The following FXYD6 variants were observed in gnomAD, a reference collection of about 807,000 sequenced individuals.
FXYD6 encodes FXYD domain-containing ion transport regulator 6.
FXYD6 carries 7 observed loss-of-function variants against 16.7 expected under a neutral mutation model. That is an observed-to-expected ratio of 0.42 (90% CI 0.24 to 0.79). The LOEUF (loss-of-function observed/expected upper bound fraction) is 0.79, where lower values mean the gene tolerates loss of function less well. Ranked by LOEUF, FXYD6 falls within the 30% of genes least tolerant of loss-of-function variation. The pLI is 0.28. For missense variants in FXYD6, 111 were observed against 116.2 expected (o/e 0.95, Z 0.21); for synonymous variants, 49 against 43.0 (o/e 1.14, Z -0.54).
At chr11:117,838,488 G>A (rs1344747766) in intron 7 of FXYD6, 1 of 599,090 alleles carries the variant, frequency 1.7e-6, no homozygotes. Flanking sequence ...ACATGGAAAG[G>A]AAATTGTTAA....
chr11:117,853,775 G>A (rs1291610546), intron 1 of FXYD6, among the ~76,000 whole-genome samples: 3 of 152,164 alleles, frequency 2.0e-5, no homozygotes, highest in African/African-American at 7.2e-5. Flanking sequence ...TTTCAGGCAT[G>A]AGCCACCATG....
intron 1 of FXYD6, among the ~76,000 whole-genome samples, chr11:117,847,200 G>T (rs1031804939): frequency 1.3e-5 from 2 of 152,030 alleles, no homozygotes; most frequent in South Asian, 4.2e-4. Context: ...TTTACATATT[G>T]ATCTTAAATC....
chr11:117,847,480 C>A (rs895525102), intron 1 of FXYD6, among the ~76,000 whole-genome samples: 5 of 151,872 alleles, frequency 3.3e-5, no homozygotes, highest in Non-Finnish European at 7.4e-5. Context: ...CGTCATTTAA[C>A]ATTAGGTATA....
At chr11:117,846,037 C>A (rs555859319) in intron 1 of FXYD6, among the ~76,000 whole-genome samples, 1 of 152,202 alleles carries the variant, frequency 6.6e-6, no homozygotes, top group African/African-American at 2.4e-5. Context: ...CCACAGTGGT[C>A]ATCTCCATGA....
chr11:117,840,128 C>A, intron 6 of FXYD6, 191 bp downstream of exon 6: 1 of 697,408 alleles, frequency 1.4e-6, no homozygotes. Context: ...CTGTAAATAG[C>A]AGGTGACACT....
rs1293517501 is a variant in FXYD6, at chr11:117,841,670, G to A, written c.172+121C>T. 2.9e-5 allele frequency: 31 copies of A among 1,077,850 alleles called. No homozygotes were observed. In the East Asian group the frequency reaches 4.8e-4, roughly 17 times the overall value. 66.8% of individuals were successfully genotyped at this position (1,077,850 alleles called of 1,614,324 possible). A position where few individuals can be genotyped will look rare whatever the true frequency, so the allele number is the denominator to read the frequency against. ...CTCTACTGGGTCGTGAAGATAACAC[G>A]GAGGGCAGGCAGCCTCCTTTCCTCT... On this transcript the variant is annotated intron_variant, in intron 4 of 7. Transcript: ENST00000526014.
chr11:117,864,907 T>C (rs2056983017), intron 1 of FXYD6, among the ~76,000 whole-genome samples: 1 of 152,112 alleles, frequency 6.6e-6, no homozygotes, highest in Non-Finnish European at 1.5e-5. Flanking sequence ...TTTATAAAAA[T>C]GTAAAAATGT....
In FXYD6 at chr11:117,872,874, T is replaced by A. The variant is rs2057169803; in HGVS notation, c.-6+3718A>T. On this transcript the variant is annotated intron_variant, in intron 1 of 7. Coordinates refer to ENST00000526014, the MANE Select transcript of FXYD6 (RefSeq NM_022003.4). The surrounding 1 kb of genome is among the most constrained non-coding windows in gnomAD (Gnocchi z 4.9). ...TCGGCCGGAGATGTCCTGCCTCTCATCAGGGACGGTGTCAGAGCACTGTGT... is the reference window on the plus strand; with the variant it reads ...TCGGCCGGAGATGTCCTGCCTCTCAACAGGGACGGTGTCAGAGCACTGTGT... Among the ~76,000 whole-genome samples the A allele has an allele frequency of 6.6e-6, 1 of 152,158 alleles. No homozygotes were observed. Among genetic ancestry groups the A allele is most frequent in the Non-Finnish European group, 1.5e-5 (1 of 68,032 alleles).
At chr11:117,851,047 C>T (rs1030190695) in intron 1 of FXYD6, among the ~76,000 whole-genome samples, 2 of 152,148 alleles carry the variant, frequency 1.3e-5, no homozygotes, top group Non-Finnish European at 2.9e-5. Flanking sequence ...TTTTAAAATT[C>T]TATAAAATAG....
chr11:117,855,093 A>C (rs1361825624), intron 1 of FXYD6, among the ~76,000 whole-genome samples: 1 of 152,236 alleles, frequency 6.6e-6, no homozygotes, highest in Non-Finnish European at 1.5e-5. Context: ...GTTGGACTAA[A>C]GCATGATGGG....
At chr11:117,839,990 C>A in intron 6 of FXYD6, 160 bp from the exon 7 acceptor site, 1 of 896,692 alleles carries the variant, frequency 1.1e-6, no homozygotes, top group Non-Finnish European at 1.8e-6. Flanking sequence ...GGCCCTGCTA[C>A]TTGCTGCTTA....
At chr11:117,861,368 C>G (rs1357760023) in intron 1 of FXYD6, among the ~76,000 whole-genome samples, 2 of 152,204 alleles carry the variant, frequency 1.3e-5, no homozygotes, top group Non-Finnish European at 2.9e-5. Flanking sequence ...AGGTACAGAG[C>G]TGGCAGGGGA....
At chr11:117,858,508 C>A (rs995653839) in intron 1 of FXYD6, among the ~76,000 whole-genome samples, 13 of 152,064 alleles carry the variant, frequency 8.5e-5, no homozygotes, top group African/African-American at 3.1e-4. Flanking sequence ...CAGCCTCACA[C>A]CCCCAACTTT....
chr11:117,853,447 A>C (rs1022202286), intron 1 of FXYD6, among the ~76,000 whole-genome samples: 5 of 152,206 alleles, frequency 3.3e-5, no homozygotes, highest in African/African-American at 1.2e-4. Flanking sequence ...TCTAAGAGTA[A>C]CTATGGCTTA....
intron 6 of FXYD6, 177 bp downstream of exon 6, chr11:117,840,142 A>G (rs1448406695): frequency 2.7e-6 from 2 of 753,742 alleles, no homozygotes; most frequent in African/African-American, 1.7e-5. Flanking sequence ...TGACACTAGT[A>G]GTAGCCTGTT....
rs2057159072 is a variant in FXYD6 at position 117,872,424 on chromosome 11, C to T, written c.-6+4168G>A. ...GGACAAGCCCATTGATCTACCTGAG[C>T]AGGAGGGCTCCAGCAAAGGAGAAAC... On this transcript the variant is annotated intron_variant, in intron 1 of 7. Transcript: ENST00000526014. This position sits in a 1 kb window ranked among gnomAD's most constrained non-coding sequence, Gnocchi z 4.9. 1.3e-5 allele frequency among the ~76,000 whole-genome samples: 2 copies of T among 152,134 alleles called. No individual in the cohort carries two copies. The highest frequency in any genetic ancestry group is 4.1e-4 in the South Asian group (2 of 4,828).
chr11:117,871,259 G>A lies in FXYD6; in HGVS notation c.-6+5333C>T, dbSNP rs976786796. Among the ~76,000 whole-genome samples the A allele has an allele frequency of 5.9e-5, 9 of 152,184 alleles. No homozygotes were observed. In the South Asian group the frequency reaches 8.3e-4, roughly 14 times the overall value. On this transcript the variant is annotated intron_variant, in intron 1 of 7. Transcript: ENST00000526014. ...GGTAATAAAGGGATGTGCATCTTGG[G>A]AACGCGTGGTGTGCACCGGCGTATG...
At chr11:117,857,314 T>C (rs761535125) in intron 1 of FXYD6, among the ~76,000 whole-genome samples, 2 of 152,206 alleles carry the variant, frequency 1.3e-5, no homozygotes, top group Non-Finnish European at 2.9e-5. Context: ...CAGGTGGCTA[T>C]TGCTGCAGCA....
intron 1 of FXYD6, among the ~76,000 whole-genome samples, chr11:117,847,918 T>C (rs1361378302): frequency 6.6e-6 from 1 of 152,202 alleles, no homozygotes; most frequent in African/African-American, 2.4e-5. Context: ...TTTCTAGTTC[T>C]AGATTCCTGA....
Sources: gnomAD v4.1 joint callset for allele counts (sites outside exome capture counted in the v4.1 genomes callset) on GRCh38, gnomAD v4.1.1 for gene constraint, Gnocchi (gnomAD v3.1) non-coding constraint, MANE v1.5 for transcripts, NCBI Gene and HGNC (gene_info 2026-07-23, HGNC 2026-07-21) for gene names.